Variants in TTN observed in about 807,000 individuals in gnomAD.
TTN encodes the protein titin.
TTN carries 1,525 observed loss-of-function variants against 3,223.0 expected under a neutral mutation model. That is an observed-to-expected ratio of 0.47 (90% CI 0.45 to 0.49). The LOEUF is 0.49. TTN is among the 20% of genes least tolerant of loss of function. TTN has a pLI of 0.00. For missense variants in TTN, 40,786 were observed against 43,424.0 expected, an observed-to-expected ratio of 0.94 and a Z score of 5.40; for synonymous variants, 14,094 against 15,161.0, an observed-to-expected ratio of 0.93 and a Z score of 5.17.
At chr2:178,702,293 A>C (rs1014817439) in intron 107 of TTN, 48 bp from the exon 108 acceptor site, 5 of 1,612,224 alleles carry the variant, frequency 3.1e-6, no homozygotes, top group Admixed American at 3.3e-5. Context: ...TGTTGCAAAT[A>C]ACACTTCTTT....
At chr2:178,649,190 A>G in intron 213 of TTN, 58 bp downstream of exon 213, 1 of 1,271,730 alleles carries the variant, frequency 7.9e-7, no homozygotes, top group Non-Finnish European at 1.1e-6. Context: ...TCTAAGACCT[A>G]TTATTAACAT....
intron 86 of TTN, 40 bp downstream of exon 86, chr2:178,717,903 T>C: frequency 6.3e-7 from 1 of 1,579,884 alleles, no homozygotes; most frequent in Non-Finnish European, 8.6e-7. Flanking sequence ...TTTAAGAAAA[T>C]GAATCTGTTC....
At chr2:178,750,456 T>C (rs770193080) in intron 47 of TTN, 30 of 1,612,814 alleles carry the variant, frequency 1.9e-5, no homozygotes, top group South Asian at 1.1e-4. Context: ...GGGATTGGCA[T>C]GTCATTGTTA....
In TTN at chr2:178,647,060, A is replaced by G; in HGVS notation, c.40222+4T>C. 1 of 1,129,084 alleles carries G rather than the reference A, an allele frequency of 8.9e-7. No homozygotes were observed. The highest frequency in any genetic ancestry group is 1.2e-6 in the Non-Finnish European group (1 of 848,064). 69.9% of individuals were successfully genotyped at this position (1,129,084 alleles called of 1,614,324 possible). A position where few individuals can be genotyped will look rare whatever the true frequency, so the allele number is the denominator to read the frequency against. On this transcript the variant is annotated splice_donor_region_variant and intron_variant, in intron 215 of 362. Transcript: ENST00000589042. The stretch of plus-strand genomic sequence containing the variant: ...AAAATGTATATATATATATATATAT[A>G]TACCTTCAACAGGGGGAGTCTCTTT...
Position 178,689,820 on chromosome 2 carries a change from T to G in TTN, c.31839A>C (p.Pro10613=). ...CGTCGAAAGCCACTGTACCTTTAGC[T>G]GGGGGAGCTTCCTTTTTCTTTGCAA... is the stretch of plus-strand genomic sequence containing the variant. ...VPVAKKKEAP[P]AKVPEVQKGV... Residue 10613 remains proline (P), a synonymous_variant, in exon 122 of 363, where the codon CCA becomes CCC. Coordinates refer to ENST00000589042, the MANE Select transcript of TTN (RefSeq NM_001267550.2). 3 of 1,609,496 alleles carry G rather than the reference T, an allele frequency of 1.9e-6. No individual in the cohort carries two copies. The highest frequency in any genetic ancestry group is 2.5e-6 in the Non-Finnish European group (3 of 1,178,752).
At chr2:178,651,852 C>T (rs767962258) in intron 205 of TTN, 32 bp downstream of exon 205, 33 of 1,598,930 alleles carry the variant, frequency 2.1e-5, no homozygotes, top group South Asian at 6.8e-5. Flanking sequence ...AAAGAGTGGC[C>T]GAGGTGTCCT....
At position 178,532,821 on chromosome 2, in the gene TTN, T is replaced by C; in HGVS notation, c.103794A>G (p.Ser34598=). ...VQKRPKRIRL[S]RWEQFYVMPL... is the part of the protein sequence containing the mutation. ...GCATCACATAGAACTGTTCCCATCTTGAAAGGCGGATGCGCTTGGGTCGTT... is the reference window on the plus strand; with the variant it reads ...GCATCACATAGAACTGTTCCCATCTCGAAAGGCGGATGCGCTTGGGTCGTT... The change falls in exon 358 of 363, where the codon TCA becomes TCG. Residue 34598 remains serine (S), a synonymous_variant. Transcript: ENST00000589042. 1 of 1,613,986 alleles carries C rather than the reference T, an allele frequency of 6.2e-7. No homozygotes were observed. Among genetic ancestry groups the C allele is most frequent in the South Asian group, 1.1e-5 (1 of 91,078 alleles).
chr2:178,644,423 G>A, intron 218 of TTN, 125 bp downstream of exon 218: 2 of 694,498 alleles, frequency 2.9e-6, no homozygotes, highest in Non-Finnish European at 4.5e-6. Context: ...AGAAATATAA[G>A]AAATGAATGG....
chr2:178,677,908 T>G lies in TTN; in HGVS notation c.34004A>C (p.Lys11335Thr), dbSNP rs766894355. 6.3e-7 allele frequency: 1 copy of G among 1,597,234 alleles called. No homozygotes were observed. The highest frequency in any genetic ancestry group is 2.2e-5 in the East Asian group (1 of 44,782). The change falls in exon 146 of 363, where the codon AAA becomes ACA. Residue 11335 changes from lysine (K) to threonine (T), a missense_variant. By Grantham distance (78) the Lys-to-Thr change is moderately conservative. Transcript: ENST00000589042. ...VEAPPPKVPK[K>T]REPVPVPVAL... ...TACAGGAACTGGAACTGGTTCACGT[T>G]TCTTTGGCACTTTAAAGATATTTAT...
At position 178,710,775 on chromosome 2, in the gene TTN, C is replaced by G; in HGVS notation, c.28322G>C (p.Gly9441Ala). ...TTCCAGATAACTAATCTGGTACTTT[C>G]CGCCACTTCGTATTTCTCTGCTGTC... ...AKDSREIRSG[G>A]KYQISYLENS... The change falls in exon 98 of 363, where the codon GGA becomes GCA. Residue 9441 changes from glycine to alanine, a missense_variant. Coordinates refer to ENST00000589042, the MANE Select transcript of TTN (RefSeq NM_001267550.2). 1 of 1,613,918 alleles carries G rather than the reference C, an allele frequency of 6.2e-7. No homozygotes were observed. Among genetic ancestry groups the G allele is most frequent in the South Asian group, 1.1e-5 (1 of 91,072 alleles).
At position 178,587,626 on chromosome 2, in the gene TTN, A is replaced by G. The variant is rs1397983700; in HGVS notation, c.63683T>C (p.Met21228Thr). The G allele has an allele frequency of 6.2e-7, 1 of 1,612,788 alleles. No homozygotes were observed. The highest frequency in any genetic ancestry group is 8.5e-7 in the Non-Finnish European group (1 of 1,179,418). ...RKGQVDLVDT[M>T]AFLVIPNSTR... Reference sequence around the variant, plus strand: ...AGAATTGGGGATGACAAGGAAGGCCATAGTGTCAACCAGATCAACTTGTCC... The same window carrying G: ...AGAATTGGGGATGACAAGGAAGGCCGTAGTGTCAACCAGATCAACTTGTCC... Residue 21228 changes from methionine to threonine, a missense_variant, in exon 306 of 363, where the codon ATG (methionine) becomes ACG (threonine). Coordinates refer to ENST00000589042, the MANE Select transcript of TTN (RefSeq NM_001267550.2).
At position 178,695,388 on chromosome 2, in the gene TTN, T is replaced by A; in HGVS notation, c.31230A>T (p.Pro10410=). 6.2e-7 allele frequency: 1 copy of A among 1,612,384 alleles called. No homozygotes were observed. The highest frequency in any genetic ancestry group is 8.5e-7 in the Non-Finnish European group (1 of 1,178,756). Residue 10410 remains proline (P), a synonymous_variant, in exon 115 of 363, where the codon CCA becomes CCT. Transcript: ENST00000589042. ...GTGCTTTCTTTTCAGGTACTTTGGCTGGAACTTTTCTCTCATGTGATTCTG... is the reference window on the plus strand; with the variant it reads ...GTGCTTTCTTTTCAGGTACTTTGGCAGGAACTTTTCTCTCATGTGATTCTG... ...VYEESHERKV[P]AKVPEKKAPP...
At position 178,588,815 on chromosome 2, in the gene TTN, T is replaced by TG. The variant is rs876657666; in HGVS notation, c.62909dup (p.Glu20971ArgfsTer4). 1.9e-6 allele frequency: 3 copies of TG among 1,613,396 alleles called. No individual in the cohort carries two copies. Among genetic ancestry groups the TG allele is most frequent in the Non-Finnish European group, 2.5e-6 (3 of 1,179,574 alleles). On this transcript the variant is annotated frameshift_variant, in exon 304 of 363. Transcript: ENST00000589042. LOFTEE classifies it high-confidence loss of function. ...CTTCTTTGCTTACTTTAGTGACTTC[T>TG]GGGGGATCAGGGCGACCAGGTTTAT...
In TTN at chr2:178,607,628, C is replaced by A. The variant is rs780672348; in HGVS notation, c.53060G>T (p.Gly17687Val). 57 of 1,612,922 alleles carry A rather than the reference C, an allele frequency of 3.5e-5. No homozygotes were observed. The highest frequency in any genetic ancestry group is 4.8e-5 in the Non-Finnish European group (57 of 1,179,390). The change falls in exon 277 of 363, where the codon GGG (glycine) becomes GTG (valine). Residue 17687 changes from glycine (G) to valine (V), a missense_variant. By Grantham distance (109) the Gly-to-Val change is moderately radical. Coordinates refer to ENST00000589042, the MANE Select transcript of TTN (RefSeq NM_001267550.2). The stretch of plus-strand genomic sequence containing the variant: ...CACAGCTGGAATTCTAAGAGTCTTC[C>A]CAGCCATTATTTGTATTCCACCCTT... ...SVKGGIQIMAGKTLRIPAVVT... is the reference protein window; with the variant it reads ...SVKGGIQIMAVKTLRIPAVVT...
Position 178,609,369 on chromosome 2 carries a change from A to G in TTN, c.51941T>C (p.Phe17314Ser). ...RKGEVQEEEP[F>S]VLPLTQRLSI... Reference sequence around the variant, plus strand: ...CAAACGCTGTGTCAGAGGCAGGACAAATGGTTCTTCTTCTTGAACTTCACC... The same window carrying G: ...CAAACGCTGTGTCAGAGGCAGGACAGATGGTTCTTCTTCTTGAACTTCACC... The change falls in exon 273 of 363, where the codon TTT becomes TCT. Residue 17314 changes from phenylalanine (F) to serine (S), a missense_variant. Physicochemically the swap from Phe to Ser is radical, Grantham distance 155. Coordinates refer to ENST00000589042, the MANE Select transcript of TTN (RefSeq NM_001267550.2). 6.2e-7 allele frequency: 1 copy of G among 1,612,254 alleles called. No homozygotes were observed. The highest frequency in any genetic ancestry group is 8.5e-7 in the Non-Finnish European group (1 of 1,179,006).
intron 330 of TTN, chr2:178,556,460 A>AACAAAC (rs1701536228): frequency 9.4e-6 from 2 of 213,430 alleles, no homozygotes; most frequent in East Asian, 3.1e-4. Context: ...ACAAACAAAA[A>AACAAAC]AAAAAAAACC....
chr2:178,727,034 A>G lies in TTN; in HGVS notation c.20275+56T>C. The stretch of plus-strand genomic sequence containing the variant: ...TAGTAAATGAATAAAGAGCTATAAT[A>G]CCCAGGGGAGAAGGTGGTTTTCATT... On this transcript the variant is annotated intron_variant, in intron 69 of 362. Coordinates refer to ENST00000589042, the MANE Select transcript of TTN (RefSeq NM_001267550.2). The G allele has an allele frequency of 5.7e-6, 8 of 1,391,544 alleles. No individual in the cohort carries two copies. In the South Asian group the frequency reaches 1.7e-4, roughly 29 times the overall value. 86.2% of individuals were successfully genotyped at this position (1,391,544 alleles called of 1,614,324 possible).
chr2:178,650,757 G>C lies in TTN; in HGVS notation c.39703C>G (p.Pro13235Ala), dbSNP rs747619468. 35 of 1,603,018 alleles carry C rather than the reference G, an allele frequency of 2.2e-5. No individual in the cohort carries two copies. The highest frequency in any genetic ancestry group is 3.4e-5 in the Admixed American group (2 of 58,866). ...PVPERAESPP[P>A]EVYEEPEEIA... ...TCACCGGTCTCACGTGTACCTTCTG[G>C]GGGAGGAGACTCCGCTCTTTCTGGA... Residue 13235 changes from proline (P) to alanine (A), a missense_variant, in exon 209 of 363, where the codon CCA becomes GCA. Physicochemically the swap from Pro to Ala is conservative, Grantham distance 27. Coordinates refer to ENST00000589042, the MANE Select transcript of TTN (RefSeq NM_001267550.2).
rs2065287024 is a variant in TTN, at chr2:178,663,878, A to G, written c.36389T>C (p.Ile12130Thr). The part of the protein sequence containing the change: ...VKVPEASKEV[I>T]REEKVPLAPP... ...AGCCAAGGGCACTTTCTCTTCGCGGATAACCTCTTTGGAAGCTTCTGGCAC... is the reference window on the plus strand; with the variant it reads ...AGCCAAGGGCACTTTCTCTTCGCGGGTAACCTCTTTGGAAGCTTCTGGCAC... The change falls in exon 170 of 363, where the codon ATC becomes ACC. Residue 12130 changes from isoleucine (I) to threonine (T), a missense_variant. By Grantham distance (89) the Ile-to-Thr change is moderately conservative. Coordinates refer to ENST00000589042, the MANE Select transcript of TTN (RefSeq NM_001267550.2). The G allele has an allele frequency of 1.2e-6, 2 of 1,613,390 alleles. No homozygotes were observed. Among genetic ancestry groups the G allele is most frequent in the Non-Finnish European group, 1.7e-6 (2 of 1,179,794 alleles).
Sources: allele counts gnomAD v4.1 joint callset, GRCh38; gene constraint gnomAD v4.1.1; transcripts MANE v1.5; gene names NCBI Gene and HGNC (gene_info 2026-07-23, HGNC 2026-07-21).